LRP5: variants seen among roughly 807,000 people sequenced by gnomAD.
LRP5 encodes low-density lipoprotein receptor-related protein 5.
In LRP5, 62 loss-of-function variants were observed where a neutral mutation model predicts 154.1. The ratio of observed to expected loss-of-function variants is 0.40; its 90% CI spans 0.33 to 0.50. The LOEUF (loss-of-function observed/expected upper bound fraction) is 0.50, where lower values mean the gene tolerates loss of function less well. LRP5 is among the 20% of genes least tolerant of loss of function. LRP5 has a pLI of 0.55. For synonymous variants in LRP5, 966 were observed against 1,011.5 expected (o/e 0.96, Z 0.85); for missense variants, 1,915 against 2,336.7 (o/e 0.82, Z 3.72).
intron 1 of LRP5, among the ~76,000 whole-genome samples, chr11:68,342,536 C>T (rs990960607): frequency 1.6e-4 from 25 of 152,212 alleles, no homozygotes; most frequent in African/African-American, 5.5e-4. Flanking sequence ...CTGCCAGTTC[C>T]TTCCAAAGGA....
intron 5 of LRP5, among the ~76,000 whole-genome samples, chr11:68,385,392 A>G (rs2098642437): frequency 6.6e-6 from 1 of 151,864 alleles, no homozygotes; most frequent in Admixed American, 6.6e-5. Context: ...ACTTCGTTGG[A>G]AGTGTGTGGA....
intron 12 of LRP5, among the ~76,000 whole-genome samples, chr11:68,415,211 T>G (rs890883679): frequency 1.3e-5 from 2 of 152,158 alleles, no homozygotes; most frequent in African/African-American, 4.8e-5. Context: ...ACCAGTGCAC[T>G]GAGAGGAGGC....
At chr11:68,397,331 G>A (rs1388085543) in intron 7 of LRP5, among the ~76,000 whole-genome samples, 2 of 152,150 alleles carry the variant, frequency 1.3e-5, no homozygotes, top group African/African-American at 2.4e-5. Context: ...GGCAGGGTCT[G>A]GCATCTCTGT....
intron 16 of LRP5, among the ~76,000 whole-genome samples, chr11:68,428,054 G>A (rs761298167): frequency 4.0e-5 from 6 of 150,734 alleles, no homozygotes; most frequent in East Asian, 1.9e-4. Context: ...GTGCAGTGGC[G>A]CGATCTCGGT....
intron 13 of LRP5, among the ~76,000 whole-genome samples, chr11:68,417,271 A>C (rs549093691): frequency 2.5e-4 from 38 of 152,078 alleles, no homozygotes; most frequent in African/African-American, 9.2e-4. Context: ...CCCAGCAGTG[A>C]GCCCAGGGAG....
At chr11:68,351,251 C>T (rs1001169489) in intron 2 of LRP5, among the ~76,000 whole-genome samples, 1 of 152,088 alleles carries the variant, frequency 6.6e-6, no homozygotes, top group African/African-American at 2.4e-5. Context: ...CCTGGAGCCC[C>T]TCGTATGCCC....
chr11:68,386,631 G>A lies in LRP5; in HGVS notation c.1331G>A (p.Arg444His), dbSNP rs761049544. The change falls in exon 6 of 23, where the codon CGC becomes CAC. Residue 444 changes from arginine (R) to histidine (H), a missense_variant. By Grantham distance (29) the Arg-to-His change is conservative (BLOSUM62 0). Coordinates refer to ENST00000294304, the MANE Select transcript of LRP5 (RefSeq NM_002335.4). The surrounding 1 kb of genome is among the most constrained non-coding windows in gnomAD (Gnocchi z 7.9). ...DTGTDRIEVTRLNGTSRKILV... is the reference protein window; with the variant it reads ...DTGTDRIEVTHLNGTSRKILV... The stretch of plus-strand genomic sequence containing the variant: ...GGCACGGACCGCATCGAGGTGACGC[G>A]CCTCAACGGCACCTCCCGCAAGATC... 1.6e-5 allele frequency: 26 copies of A among 1,613,488 alleles called. No homozygotes were observed. The highest frequency in any genetic ancestry group is 5.5e-5 in the South Asian group (5 of 91,072).
In LRP5 at chr11:68,348,484, G is replaced by T. The variant is rs560888688; in HGVS notation, c.488+241G>T. On this transcript the variant is annotated intron_variant, in intron 2 of 22. Transcript: ENST00000294304. ...TCGGTGTCACTCTTAAAATGAACCC[G>T]TGGGGGGGTTGGCTCAGGCCTGTAA... is the stretch of plus-strand genomic sequence containing the variant. Among the ~76,000 whole-genome samples, 51 of 141,260 alleles carry T rather than the reference G, an allele frequency of 3.6e-4. 2 individuals carry two copies. Among genetic ancestry groups the T allele is most frequent in the Middle Eastern group, 7.9e-3 (2 of 254 alleles). 92.7% of individuals were successfully genotyped at this position (141,260 alleles called of 152,430 possible). A position where few individuals can be genotyped will look rare whatever the true frequency, so the allele number is the denominator to read the frequency against.
chr11:68,391,911 G>A lies in LRP5; in HGVS notation c.1584+1859G>A, dbSNP rs540258359. Reference sequence around the variant, plus strand: ...GGCGAGAGTGCAGTGGCGCAATCACGGCTCGCTGTAGCCTCAATCTCCCTG... The same window carrying A: ...GGCGAGAGTGCAGTGGCGCAATCACAGCTCGCTGTAGCCTCAATCTCCCTG... On this transcript the variant is annotated intron_variant, in intron 7 of 22. Coordinates refer to ENST00000294304, the MANE Select transcript of LRP5 (RefSeq NM_002335.4). Among the ~76,000 whole-genome samples, 148 of 152,278 alleles carry A rather than the reference G, an allele frequency of 9.7e-4. 1 individual carries two copies. Among genetic ancestry groups the A allele is most frequent in the African/African-American group, 3.2e-3 (134 of 41,550 alleles).
At chr11:68,394,899 C>T (rs921658241) in intron 7 of LRP5, among the ~76,000 whole-genome samples, 15 of 152,244 alleles carry the variant, frequency 9.9e-5, no homozygotes, top group African/African-American at 1.9e-4. Context: ...GGTAGAAGGG[C>T]GGAGAGAGGG....
chr11:68,379,959 C>G (rs1265166994), intron 5 of LRP5, among the ~76,000 whole-genome samples: 1 of 152,206 alleles, frequency 6.6e-6, no homozygotes, highest in Non-Finnish European at 1.5e-5. Flanking sequence ...TGGTGAAACC[C>G]CGTCTCTACT....
At chr11:68,402,033 C>T (rs909561107) in intron 7 of LRP5, among the ~76,000 whole-genome samples, 4 of 152,122 alleles carry the variant, frequency 2.6e-5, no homozygotes, top group Non-Finnish European at 5.9e-5. Context: ...AACAGATGAC[C>T]GAAGTCTTTG....
At chr11:68,393,519 G>T (rs143660331) in intron 7 of LRP5, among the ~76,000 whole-genome samples, 16 of 152,324 alleles carry the variant, frequency 1.1e-4, no homozygotes, top group African/African-American at 3.6e-4. Context: ...TCTGGCTCAC[G>T]CCTGTAATCC....
chr11:68,440,267 C>T (rs933717787), intron 21 of LRP5, among the ~76,000 whole-genome samples: 4 of 152,210 alleles, frequency 2.6e-5, no homozygotes, highest in African/African-American at 9.6e-5. Context: ...TGAGCCTCCC[C>T]ACAGGGTTCC....
chr11:68,398,937 A>G (rs539671466), intron 7 of LRP5, among the ~76,000 whole-genome samples: 4 of 152,016 alleles, frequency 2.6e-5, no homozygotes, highest in South Asian at 2.1e-4. Flanking sequence ...GGGTCTTTCT[A>G]TGTTGCCCAG....
chr11:68,376,296 C>T (rs2153146695), intron 5 of LRP5, among the ~76,000 whole-genome samples: 1 of 151,774 alleles, frequency 6.6e-6, no homozygotes, highest in Non-Finnish European at 1.5e-5. Context: ...ATTATCCTGC[C>T]TCAGCCTCCC....
chr11:68,433,016 T>G (rs1035910647), intron 17 of LRP5, among the ~76,000 whole-genome samples: 4 of 152,230 alleles, frequency 2.6e-5, no homozygotes, highest in African/African-American at 9.6e-5. Flanking sequence ...TTGTCCCGTC[T>G]TCTGCAGGCG....
intron 3 of LRP5, among the ~76,000 whole-genome samples, chr11:68,362,463 G>C (rs1255613092): frequency 1.3e-5 from 2 of 152,108 alleles, no homozygotes; most frequent in Non-Finnish European, 2.9e-5. Flanking sequence ...CGGGTGGATC[G>C]CCTGAGCTCA....
chr11:68,324,422 C>T (rs999244417), intron 1 of LRP5, among the ~76,000 whole-genome samples: 12 of 152,142 alleles, frequency 7.9e-5, no homozygotes, highest in African/African-American at 1.7e-4. Context: ...GGGTGCCCGG[C>T]GTGTGCCCTG....
Sources: gnomAD v4.1 joint callset for allele counts (sites outside exome capture counted in the v4.1 genomes callset) on GRCh38, gnomAD v4.1.1 for gene constraint, Gnocchi (gnomAD v3.1) non-coding constraint, MANE v1.5 for transcripts, NCBI Gene and HGNC (gene_info 2026-07-23, HGNC 2026-07-21) for gene names.